The following SPTBN2 variants were observed in gnomAD, a reference collection of about 807,000 sequenced individuals.
SPTBN2 encodes the protein spectrin beta chain, non-erythrocytic 2.
In SPTBN2, 107 loss-of-function variants were observed where a neutral mutation model predicts 284.2. That is an observed-to-expected ratio of 0.38 (90% CI 0.32 to 0.44). The LOEUF (loss-of-function observed/expected upper bound fraction) is 0.44. Among genes scored for constraint, SPTBN2 ranks in the 20% least tolerant of loss-of-function variants. SPTBN2 has a pLI of 1.00. For missense variants in SPTBN2, 2,569 were observed against 3,287.1 expected, an observed-to-expected ratio of 0.78 and a Z score of 5.34; for synonymous variants, 1,289 against 1,354.8, an observed-to-expected ratio of 0.95 and a Z score of 1.07.
chr11:66,688,276 C>T lies in SPTBN2; in HGVS notation c.6267G>A (p.Arg2089=). ...EEREKERKRK[R]EEEERRKQPP... is the part of the protein sequence containing the mutation. ...GCTGTTTCCGCCGCTCCTCCTCCTC[C>T]CTCTTTCTCTTTCGCTCCTTCTCCC... The change falls in exon 32 of 38, where the codon AGG becomes AGA. Residue 2089 remains arginine, a synonymous_variant. Coordinates refer to ENST00000533211, the MANE Select transcript of SPTBN2 (RefSeq NM_006946.4). 6.2e-7 allele frequency: 1 copy of T among 1,611,530 alleles called. No individual in the cohort carries two copies. Among genetic ancestry groups the T allele is most frequent in the South Asian group, 1.1e-5 (1 of 90,758 alleles).
intron 15 of SPTBN2, 74 bp from the exon 16 acceptor site, chr11:66,701,795 T>G (rs1941263636): frequency 1.2e-6 from 2 of 1,606,426 alleles, no homozygotes; most frequent in Non-Finnish European, 1.7e-6. Flanking sequence ...TCCACCTCTC[T>G]TAAACACCCA....
intron 1 of SPTBN2, 50 bp from the exon 2 acceptor site, chr11:66,721,490 C>A: frequency 1.8e-6 from 1 of 561,944 alleles, no homozygotes. Flanking sequence ...AGGAAGGCAG[C>A]AGCAGCTCAG....
intron 21 of SPTBN2, among the ~76,000 whole-genome samples, chr11:66,695,775 G>C (rs1940870182): frequency 6.6e-6 from 1 of 151,920 alleles, no homozygotes; most frequent in Admixed American, 6.6e-5. Flanking sequence ...GCTTGCCCAG[G>C]CTGGAGTGCG....
intron 15 of SPTBN2, 47 bp downstream of exon 15, chr11:66,704,551 A>ACCC: frequency 3.3e-6 from 3 of 910,802 alleles, no homozygotes; most frequent in African/African-American, 2.0e-5. Context: ...TGGCCCCCCC[A>ACCC]CCCCCACCTC....
chr11:66,742,341 A>G (rs1681986457), intron 1 of SPTBN2, among the ~76,000 whole-genome samples: 1 of 152,164 alleles, frequency 6.6e-6, no homozygotes, highest in Non-Finnish European at 1.5e-5. Context: ...GCAAACCCTC[A>G]TATCGAAGGC....
At chr11:66,704,551 A>AC in intron 15 of SPTBN2, 47 bp downstream of exon 15, 4 of 910,796 alleles carry the variant, frequency 4.4e-6, no homozygotes, top group Non-Finnish European at 4.8e-6. Context: ...TGGCCCCCCC[A>AC]CCCCCACCTC....
chr11:66,733,873 G>A (rs1942833315), upstream of SPTBN2, among the ~76,000 whole-genome samples: 1 of 151,862 alleles, frequency 6.6e-6, no homozygotes, highest in African/African-American at 2.4e-5. Flanking sequence ...AGCTACTCGG[G>A]AGGCTGAGGC....
chr11:66,701,858 C>A, intron 15 of SPTBN2, 137 bp from the exon 16 acceptor site: 1 of 1,245,426 alleles, frequency 8.0e-7, no homozygotes, highest in Non-Finnish European at 1.1e-6. Flanking sequence ...CTCTGCCTCT[C>A]AGCCTATGAG....
Position 66,710,989 on chromosome 11 carries a change from G to A in SPTBN2, c.813C>T (p.Thr271=). ...VDQPDEKSII[T]YVATYYHYFS... ...AGTAATGGTAGTAAGTAGCCACATA[G>A]GTAATGATTGACTTCTCATCTGGCT... is the stretch of plus-strand genomic sequence containing the variant. Residue 271 remains threonine (T), a synonymous_variant, in exon 9 of 38, where the codon ACC becomes ACT. Transcript: ENST00000533211. This position sits in a 1 kb window ranked among gnomAD's most constrained non-coding sequence, Gnocchi z 4.9. 6.2e-7 allele frequency: 1 copy of A among 1,614,224 alleles called. No individual in the cohort carries two copies. Among genetic ancestry groups the A allele is most frequent in the South Asian group, 1.1e-5 (1 of 91,088 alleles).
chr11:66,729,324 C>G (rs1355339225), upstream of SPTBN2: 1 of 152,186 alleles, frequency 6.6e-6, no homozygotes, highest in Non-Finnish European at 1.5e-5. Flanking sequence ...TGCTGTTCTT[C>G]CAGATTAGAG....
At chr11:66,688,625 T>C (rs750091391) in intron 31 of SPTBN2, 28 bp downstream of exon 31, 2 of 1,612,740 alleles carry the variant, frequency 1.2e-6, no homozygotes, top group South Asian at 1.1e-5. Context: ...CAGGTTGGAG[T>C]GGGCATCCGG....
intron 7 of SPTBN2, 104 bp downstream of exon 7, chr11:66,713,987 G>A (rs1006909681): frequency 2.3e-5 from 29 of 1,242,074 alleles, no homozygotes; most frequent in South Asian, 1.6e-4. Context: ...TATTCCTTCC[G>A]TCTGACTGCT....
chr11:66,743,015 T>C (rs1241470423), intron 1 of SPTBN2, among the ~76,000 whole-genome samples: 1 of 152,148 alleles, frequency 6.6e-6, no homozygotes, highest in Non-Finnish European at 1.5e-5. Context: ...GATGACATCA[T>C]TTATGTAAAG....
rs143255833 is a variant in SPTBN2 at position 66,690,158 on chromosome 11, G to A, written c.5691C>T (p.Ala1897=). The A allele has an allele frequency of 4.5e-5, 72 of 1,614,190 alleles. No individual in the cohort carries two copies. Among genetic ancestry groups the A allele is most frequent in the Middle Eastern group, 1.6e-4 (1 of 6,062 alleles). The part of the protein sequence containing the change: ...EAWAQLQGSS[A]ARRQLLLDTT... The stretch of plus-strand genomic sequence containing the variant: ...TGTCCAGCAGCAGCTGCCGGCGGGC[G>A]GCAGAGCTTCCCTGAAGCTGGGCCC... Residue 1897 remains alanine (A), a synonymous_variant, in exon 28 of 38, where the codon GCC becomes GCT. Transcript: ENST00000533211.
chr11:66,696,316 C>T lies in SPTBN2; in HGVS notation c.4239G>A (p.Lys1413=), dbSNP rs996992563. 1.9e-6 allele frequency: 3 copies of T among 1,613,002 alleles called. No individual in the cohort carries two copies. In the Admixed American group the frequency reaches 5.0e-5, roughly 27 times the overall value. The change falls in exon 21 of 38, where the codon AAG becomes AAA. Residue 1413 remains lysine (K), a synonymous_variant. Coordinates refer to ENST00000533211, the MANE Select transcript of SPTBN2 (RefSeq NM_006946.4). ...QAQLHSDDYG[K]DLTSVNILLK... ...GCAGGATGTTGACGCTGGTGAGGTC[C>T]TTGCCGTAGTCATCCGAGTGCAGCT...
chr11:66,737,306 T>C, intron 1 of SPTBN2, among the ~76,000 whole-genome samples: 1 of 152,222 alleles, frequency 6.6e-6, no homozygotes. Context: ...TCAGTATGTC[T>C]AAAATGATTT....
chr11:66,690,526 T>C (rs1940470284), intron 27 of SPTBN2, among the ~76,000 whole-genome samples: 1 of 152,086 alleles, frequency 6.6e-6, no homozygotes, highest in South Asian at 2.1e-4. Context: ...CATTGGCCAG[T>C]TGAACTTTCA....
intron 1 of SPTBN2, among the ~76,000 whole-genome samples, chr11:66,724,746 C>T (rs1942550152): frequency 6.6e-6 from 1 of 152,172 alleles, no homozygotes; most frequent in Non-Finnish European, 1.5e-5. Context: ...TTCATGGAAC[C>T]AGTTAATGAT....
intron 37 of SPTBN2, 48 bp from the exon 38 acceptor site, chr11:66,686,152 T>C (rs762625648): frequency 2.6e-6 from 4 of 1,567,470 alleles, no homozygotes; most frequent in Admixed American, 1.8e-5. Flanking sequence ...CTGTGCTGAG[T>C]TGGCCGCAGT....
Sources: allele counts gnomAD v4.1 joint callset (sites outside exome capture counted in the v4.1 genomes callset), GRCh38; gene constraint gnomAD v4.1.1; non-coding constraint Gnocchi (gnomAD v3.1); transcripts MANE v1.5; gene names NCBI Gene and HGNC (gene_info 2026-07-23, HGNC 2026-07-21).